Variants in KLHL5 observed in about 807,000 individuals in gnomAD.
The protein encoded by KLHL5 is kelch like family member 5.
KLHL5 carries 48 observed loss-of-function variants against 77.7 expected under a neutral mutation model. The ratio of observed to expected loss-of-function variants is 0.62; its 90% CI spans 0.49 to 0.79. The LOEUF is 0.79. Among genes scored for constraint, KLHL5 ranks in the 30% least tolerant of loss-of-function variants. The pLI is 0.00. For missense variants in KLHL5, 723 were observed against 859.7 expected (o/e 0.84, Z 1.99); for synonymous variants, 260 against 297.0 (o/e 0.88, Z 1.28).
rs1723536094 is a variant in KLHL5 at position 39,126,219 on chromosome 4, T to C, written c.*5153T>C. On this transcript the variant is annotated 3_prime_UTR_variant, in exon 11 of 11. Coordinates refer to ENST00000504108, the MANE Select transcript of KLHL5 (RefSeq NM_015990.5). ...AAACAAATATTCAATAAAATGATAT[T>C]TAATTTCACTGTGACTAGATAATAC... Among the ~76,000 whole-genome samples, 1 of 152,236 alleles carries C rather than the reference T, an allele frequency of 6.6e-6. No individual in the cohort carries two copies. Among genetic ancestry groups the C allele is most frequent in the African/African-American group, 2.4e-5 (1 of 41,458 alleles).
At chr4:39,115,420 A>G in intron 10 of KLHL5, 90 bp downstream of exon 10, 1 of 1,568,862 alleles carries the variant, frequency 6.4e-7, no homozygotes, top group Non-Finnish European at 8.6e-7. Context: ...CTTGTCCAAT[A>G]CTGAAATATA....
chr4:39,138,394 C>T, the KLHL5 span, among the ~76,000 whole-genome samples: 180 of 152,278 alleles, frequency 1.2e-3, 3 homozygotes, highest in South Asian at 0.035. Context: ...AAATGTAATA[C>T]ATGCACACCA....
chr4:39,085,910 A>G (rs1719995369), intron 4 of KLHL5, among the ~76,000 whole-genome samples: 2 of 152,184 alleles, frequency 1.3e-5, no homozygotes, highest in Non-Finnish European at 1.5e-5. Flanking sequence ...AAAATCCTAG[A>G]TGATCTTATA....
At chr4:39,131,846 C>T (rs1723811862), downstream of KLHL5, among the ~76,000 whole-genome samples, 1 of 150,250 alleles carries the variant, frequency 6.7e-6, no homozygotes, top group African/African-American at 2.5e-5. Context: ...CAAGATCACA[C>T]CACTGCAGTG....
Position 39,081,074 on chromosome 4 carries a change from T to TG in KLHL5, c.567-28dup. The TG allele has an allele frequency of 6.3e-7, 1 of 1,575,278 alleles. No homozygotes were observed. Among genetic ancestry groups the TG allele is most frequent in the South Asian group, 1.2e-5 (1 of 84,284 alleles). On this transcript the variant is annotated intron_variant, in intron 2 of 10. Transcript: ENST00000504108. This position sits in a 1 kb window ranked among gnomAD's most constrained non-coding sequence, Gnocchi z 4.3. ...TGAACATCAACTCGAATGTGGTCAT[T>TG]GATTTTTTTTTTCCTAATGTGTTCA...
chr4:39,097,058 T>A (rs192011356), intron 6 of KLHL5, among the ~76,000 whole-genome samples, 180 bp downstream of exon 6: 10 of 152,258 alleles, frequency 6.6e-5, no homozygotes, highest in African/African-American at 2.4e-4. Context: ...CAAAGAATGA[T>A]GGAGATAGGT....
chr4:39,047,446 TCTTC>T (rs1716277930), intron 1 of KLHL5, among the ~76,000 whole-genome samples: 2 of 152,224 alleles, frequency 1.3e-5, no homozygotes, highest in African/African-American at 4.8e-5. Context: ...AGTTATCTAT[TCTTC>T]AGGCAGTTCT....
At chr4:39,046,877 A>G (rs1716231953) in intron 1 of KLHL5, among the ~76,000 whole-genome samples, 1 of 152,212 alleles carries the variant, frequency 6.6e-6, no homozygotes, top group African/African-American at 2.4e-5. Flanking sequence ...AACATTTAGA[A>G]TGATCTAGAA....
chr4:39,130,680 A>C (rs145959109), downstream of KLHL5, among the ~76,000 whole-genome samples: 33 of 152,166 alleles, frequency 2.2e-4, no homozygotes, highest in African/African-American at 7.7e-4. Flanking sequence ...ACCAGGCCCC[A>C]TTCCACACAA....
chr4:39,085,581 A>T (rs550914741), intron 4 of KLHL5, among the ~76,000 whole-genome samples: 1 of 152,190 alleles, frequency 6.6e-6, no homozygotes, highest in African/African-American at 2.4e-5. Flanking sequence ...TTAAGACTTA[A>T]AACCTTTCAA....
In KLHL5 at chr4:39,049,570, C is replaced by T. The variant is rs148624993; in HGVS notation, c.-95+4474C>T. Among the ~76,000 whole-genome samples, 678 of 151,968 alleles carry T rather than the reference C, an allele frequency of 4.5e-3. 3 individuals carry two copies. The Middle Eastern group carries it at 0.048, about 11-fold the overall frequency. On this transcript the variant is annotated intron_variant, in intron 1 of 11. Coordinates refer to the KLHL5 transcript ENST00000261425. ...GGTGTAGTGGCATGTGTCTCCAGTCCGAGCTTCCTTGGGGGCGGGGGTAGG... is the reference window on the plus strand; with the variant it reads ...GGTGTAGTGGCATGTGTCTCCAGTCTGAGCTTCCTTGGGGGCGGGGGTAGG...
chr4:39,122,026 T>C lies in KLHL5; in HGVS notation c.*960T>C, dbSNP rs762236020. 6.5e-6 allele frequency: 1 copy of C among 152,776 alleles called. No homozygotes were observed. The highest frequency in any genetic ancestry group is 1.5e-5 in the Non-Finnish European group (1 of 68,034). The allele number at this position is 152,776 out of a possible 1,614,324, so 9.5% of individuals were successfully genotyped here. The stretch of plus-strand genomic sequence containing the variant: ...TTGTGCTTCTTTGTAATCAAACAGT[T>C]TGTGGGAGAATGGGCTTATTGAATG... On this transcript the variant is annotated 3_prime_UTR_variant, in exon 11 of 11. Transcript: ENST00000504108.
intron 1 of KLHL5, among the ~76,000 whole-genome samples, chr4:39,048,637 G>GTTTTTTTTTTTTTTTTTT (rs1577617588): frequency 2.1e-5 from 1 of 48,722 alleles, no homozygotes; most frequent in African/African-American, 8.2e-5. Flanking sequence ...TTTTACATTG[G>GTTTTTTTTTTTTTTTTTT]CTTTTTTTTT....
chr4:39,116,759 C>A (rs539850902), intron 10 of KLHL5, among the ~76,000 whole-genome samples: 1 of 152,042 alleles, frequency 6.6e-6, no homozygotes, highest in Non-Finnish European at 1.5e-5. Context: ...GTGGGAGGAT[C>A]GCTTGAGGCC....
intron 1 of KLHL5, chr4:39,063,742 A>G: frequency 5.5e-6 from 1 of 182,782 alleles, no homozygotes; most frequent in Non-Finnish European, 1.2e-5. Context: ...TCTGGTGAAA[A>G]GGGGACAGGA....
rs1298655866 is a variant in KLHL5 at position 39,096,708 on chromosome 4, A to G, written c.1130A>G (p.Glu377Gly). 1.2e-6 allele frequency: 2 copies of G among 1,612,002 alleles called. No homozygotes were observed. Among genetic ancestry groups the G allele is most frequent in the African/African-American group, 1.3e-5 (1 of 74,960 alleles). ...LLAPQFLADM[E>G]NNVLFRDDIE... ...CTTTTCTAGTTCCTGGCAGACATGG[A>G]AAATAATGTACTTTTTCGGGATGAT... is the stretch of plus-strand genomic sequence containing the variant. The change falls in exon 6 of 11, where the codon GAA (glutamate) becomes GGA (glycine). Residue 377 changes from glutamate (E) to glycine (G), a missense_variant. Physicochemically the swap from Glu to Gly is moderately conservative, Grantham distance 98. Transcript: ENST00000504108.
Position 39,045,148 on chromosome 4 carries a change from C to T in KLHL5, c.-95+52C>T, listed in dbSNP as rs1452512322. On this transcript the variant is annotated intron_variant, in intron 1 of 11. Coordinates refer to the KLHL5 transcript ENST00000261425. ...GGGGAGGGGGCCGCCTCGGGCAGGGCCCGCTTCCCGCCCCCACGCGACTCT... is the reference window on the plus strand; with the variant it reads ...GGGGAGGGGGCCGCCTCGGGCAGGGTCCGCTTCCCGCCCCCACGCGACTCT... 15 of 984,230 alleles carry T rather than the reference C, an allele frequency of 1.5e-5. No individual in the cohort carries two copies. The East Asian group carries it at 1.7e-3, about 112-fold the overall frequency. The allele number at this position is 984,230 out of a possible 1,614,324, so 61.0% of individuals were successfully genotyped here.
chr4:39,129,999 A>G (rs1410589597), downstream of KLHL5, among the ~76,000 whole-genome samples: 1 of 152,086 alleles, frequency 6.6e-6, no homozygotes, highest in Non-Finnish European at 1.5e-5. The surrounding 1 kb of genome is among the most constrained non-coding windows in gnomAD (Gnocchi z 4.2). Flanking sequence ...TTGAACTACA[A>G]TCCAGTGATT....
At chr4:39,086,492 T>C in intron 4 of KLHL5, 23 bp from the exon 5 acceptor site, 1 of 1,570,648 alleles carries the variant, frequency 6.4e-7, no homozygotes, top group Non-Finnish European at 8.8e-7. Context: ...CAATATTGTT[T>C]ATCTGCTATT....
Sources: gnomAD v4.1 joint callset for allele counts (sites outside exome capture counted in the v4.1 genomes callset) on GRCh38, gnomAD v4.1.1 for gene constraint, Gnocchi (gnomAD v3.1) non-coding constraint, MANE v1.5 for transcripts, NCBI Gene and HGNC (gene_info 2026-07-23, HGNC 2026-07-21) for gene names.